The following SV2C variants were observed in gnomAD, a reference collection of about 807,000 sequenced individuals.
SV2C encodes solute carrier family 22 member B3.
In SV2C, 49 loss-of-function variants were observed where a neutral mutation model predicts 79.7. The observed-to-expected ratio is 0.61, with a 90% confidence interval of 0.49 to 0.78. The LOEUF (loss-of-function observed/expected upper bound fraction) is 0.78. SV2C is among the 30% of genes least tolerant of loss of function. SV2C has a pLI of 0.00. For missense variants in SV2C, 833 were observed against 912.9 expected (o/e 0.91, Z 1.13); for synonymous variants, 334 against 333.2 (o/e 1.00, Z -0.03).
At chr5:76,185,329 G>A (rs1030428516) in intron 2 of SV2C, among the ~76,000 whole-genome samples, 5 of 152,216 alleles carry the variant, frequency 3.3e-5, no homozygotes, top group African/African-American at 1.2e-4. Flanking sequence ...GGGTTCTGGA[G>A]GATGGTGGCC....
At chr5:75,953,752 A>G in the SV2C span, among the ~76,000 whole-genome samples, 19 of 151,904 alleles carry the variant, frequency 1.3e-4, no homozygotes, top group Non-Finnish European at 2.1e-4. Flanking sequence ...CATTTCTCAG[A>G]TTTCTCTGCC....
At chr5:75,907,314 A>G in the SV2C span, among the ~76,000 whole-genome samples, 1 of 152,200 alleles carries the variant, frequency 6.6e-6, no homozygotes, top group Non-Finnish European at 1.5e-5. Context: ...AATCTTGATC[A>G]TGGCTCACCT....
chr5:75,972,246 C>A, the SV2C span, among the ~76,000 whole-genome samples: 2 of 152,098 alleles, frequency 1.3e-5, no homozygotes, highest in Admixed American at 1.3e-4. Flanking sequence ...TAGGCAATAC[C>A]ATTCAGGACA....
intron 1 of SV2C, among the ~76,000 whole-genome samples, chr5:76,123,908 CT>C (rs1748618016): frequency 6.6e-6 from 1 of 152,180 alleles, no homozygotes; most frequent in Admixed American, 6.6e-5. Flanking sequence ...AGACAATAGA[CT>C]TCAACTCCAA....
intron 2 of SV2C, among the ~76,000 whole-genome samples, chr5:76,162,956 C>T (rs140982888): frequency 1.6e-3 from 249 of 152,332 alleles, no homozygotes; most frequent in African/African-American, 5.2e-3. Flanking sequence ...AATGAAGAGA[C>T]TCTGATGAAG....
chr5:76,245,235 CA>C (rs1252787411), intron 4 of SV2C, among the ~76,000 whole-genome samples: 1 of 152,112 alleles, frequency 6.6e-6, no homozygotes, highest in Non-Finnish European at 1.5e-5. Flanking sequence ...GCCAGATTCC[CA>C]ATAAATTTTG....
chr5:75,865,753 C>T, the SV2C span, among the ~76,000 whole-genome samples: 5 of 152,184 alleles, frequency 3.3e-5, no homozygotes, highest in South Asian at 2.1e-4. Flanking sequence ...TGAAGATTTC[C>T]GTAGGACGTT....
intron 4 of SV2C, among the ~76,000 whole-genome samples, chr5:76,244,123 A>G (rs1050196360): frequency 2.0e-5 from 3 of 152,200 alleles, no homozygotes; most frequent in African/African-American, 4.8e-5. Context: ...TGGCATCTTC[A>G]GTTAGAATGA....
the SV2C span, among the ~76,000 whole-genome samples, chr5:76,012,113 G>A: frequency 6.6e-6 from 1 of 152,058 alleles, no homozygotes; most frequent in Non-Finnish European, 1.5e-5. Context: ...TAATCTTTTG[G>A]CTATATATCC....
chr5:75,913,513 G>A, the SV2C span, among the ~76,000 whole-genome samples: 1 of 152,218 alleles, frequency 6.6e-6, no homozygotes, highest in African/African-American at 2.4e-5. Flanking sequence ...GGTAGACCTA[G>A]ACAGTTTTGG....
At chr5:75,921,588 T>G in the SV2C span, 1 of 963,942 alleles carries the variant, frequency 1.0e-6, no homozygotes, top group Non-Finnish European at 1.7e-6. Context: ...AAGTTCCTGT[T>G]GTAGGAGGTG....
chr5:75,886,603 G>A, the SV2C span, among the ~76,000 whole-genome samples: 1 of 152,122 alleles, frequency 6.6e-6, no homozygotes. Flanking sequence ...GCAGATATTT[G>A]CCAAACACCA....
chr5:76,308,965 T>G (rs1330135353), intron 12 of SV2C, among the ~76,000 whole-genome samples: 2 of 152,174 alleles, frequency 1.3e-5, no homozygotes, highest in African/African-American at 4.8e-5. Context: ...AAACTTCAGT[T>G]GTAATATAGT....
At chr5:76,121,740 G>A (rs1278080215) in intron 1 of SV2C, among the ~76,000 whole-genome samples, 4 of 151,810 alleles carry the variant, frequency 2.6e-5, no homozygotes, top group Non-Finnish European at 4.4e-5. Context: ...CTCTGTTTTG[G>A]TACCAGTACC....
the SV2C span, among the ~76,000 whole-genome samples, chr5:75,896,070 A>G: frequency 6.6e-6 from 1 of 151,378 alleles, no homozygotes; most frequent in Admixed American, 6.6e-5. Context: ...ATTTTATTTT[A>G]TTATTATTAT....
At chr5:76,042,252 T>A in the SV2C span, among the ~76,000 whole-genome samples, 1 of 152,230 alleles carries the variant, frequency 6.6e-6, no homozygotes, top group African/African-American at 2.4e-5. Flanking sequence ...GTTACAGGCT[T>A]TCAACTAAAC....
chr5:75,943,593 C>T, the SV2C span, among the ~76,000 whole-genome samples: 14 of 152,122 alleles, frequency 9.2e-5, no homozygotes, highest in African/African-American at 3.4e-4. Context: ...AAATGAACTG[C>T]CCCATCTGTA....
chr5:75,993,391 G>C, the SV2C span, among the ~76,000 whole-genome samples: 8 of 151,976 alleles, frequency 5.3e-5, no homozygotes, highest in Admixed American at 3.3e-4. Flanking sequence ...GTACTCAAGG[G>C]AGCGGGGAGG....
At chr5:76,122,568 C>T (rs561084339) in intron 1 of SV2C, among the ~76,000 whole-genome samples, 46 of 152,080 alleles carry the variant, frequency 3.0e-4, no homozygotes, top group Non-Finnish European at 5.9e-4. Flanking sequence ...TTATAAGAAA[C>T]TCACTCAAAA....
Sources: allele counts gnomAD v4.1 joint callset (sites outside exome capture counted in the v4.1 genomes callset), GRCh38; gene constraint gnomAD v4.1.1; transcripts MANE v1.5; gene names NCBI Gene and HGNC (gene_info 2026-07-23, HGNC 2026-07-21).